The following KALRN variants were observed in gnomAD, a reference collection of about 807,000 sequenced individuals.
KALRN encodes kalirin.
KALRN carries 70 observed loss-of-function variants against 353.7 expected under a neutral mutation model. The observed-to-expected ratio is 0.20, with a 90% CI of 0.16 to 0.24. The LOEUF (loss-of-function observed/expected upper bound fraction) is 0.24, where lower values mean the gene tolerates loss of function less well. Among genes scored for constraint, KALRN ranks in the 10% least tolerant of loss-of-function variants. The pLI is 1.00. For synonymous variants in KALRN, 1,391 were observed against 1,434.8 expected (o/e 0.97, Z 0.69); for missense variants, 2,791 against 3,756.7 (o/e 0.74, Z 6.72).
At chr3:124,207,531 A>T (rs1309010730) in intron 1 of KALRN, among the ~76,000 whole-genome samples, 2 of 152,166 alleles carry the variant, frequency 1.3e-5, no homozygotes, top group East Asian at 3.8e-4. Context: ...AGTTCTGGAT[A>T]TGTCCTATCC....
intron 27 of KALRN, among the ~76,000 whole-genome samples, chr3:124,479,756 C>T (rs568844721): frequency 3.8e-5 from 5 of 132,500 alleles, no homozygotes; most frequent in Non-Finnish European, 7.7e-5. Context: ...CGGAGTCTCG[C>T]TCTGTTGCCC....
At chr3:124,252,845 C>T (rs1464813781) in intron 3 of KALRN, among the ~76,000 whole-genome samples, 2 of 152,206 alleles carry the variant, frequency 1.3e-5, no homozygotes, top group Non-Finnish European at 2.9e-5. Flanking sequence ...CTCTCTCCTG[C>T]CTTCTGGATA....
chr3:124,145,469 C>T (rs980176624), intron 1 of KALRN, among the ~76,000 whole-genome samples: 1 of 152,138 alleles, frequency 6.6e-6, no homozygotes, highest in Non-Finnish European at 1.5e-5. Context: ...ATTGTTCTGT[C>T]AGGGTAGACA....
At chr3:124,688,308 G>A (rs1449824092) in intron 51 of KALRN, among the ~76,000 whole-genome samples, 1 of 84,260 alleles carries the variant, frequency 1.2e-5, no homozygotes, top group Non-Finnish European at 2.5e-5. Context: ...GTGAGACCCT[G>A]TCAAAAAAAA....
At chr3:124,541,789 G>C (rs2069061858) in intron 33 of KALRN, among the ~76,000 whole-genome samples, 1 of 152,052 alleles carries the variant, frequency 6.6e-6, no homozygotes, top group Non-Finnish European at 1.5e-5. Flanking sequence ...CTACTCGGGA[G>C]GCTGAGGCAG....
At chr3:124,370,066 A>T (rs188223819) in intron 10 of KALRN, among the ~76,000 whole-genome samples, 2 of 152,360 alleles carry the variant, frequency 1.3e-5, no homozygotes, top group Admixed American at 1.3e-4. Context: ...AAATAAAAAA[A>T]TATATAAACG....
chr3:124,502,623 AAGGC>A (rs757860085), intron 33 of KALRN, among the ~76,000 whole-genome samples: 1 of 152,180 alleles, frequency 6.6e-6, no homozygotes, highest in Non-Finnish European at 1.5e-5. Context: ...CTGTGCAATG[AAGGC>A]AGTGATTTCT....
rs779043939 is a variant in KALRN, at chr3:124,650,892, A to G, written c.5749A>G (p.Lys1917Glu). The change falls in exon 38 of 60, where the codon AAA becomes GAA. Residue 1917 changes from lysine to glutamate, a missense_variant. Physicochemically the swap from Lys to Glu is moderately conservative, Grantham distance 56. Coordinates refer to ENST00000682506, the MANE Select transcript of KALRN (RefSeq NM_001388419.1). ...GGGGATGGCCCCACCCACACCTCCT[A>G]AAAACCCAGAAGAAGAACAGAAAGC... ...NEGMAPPTPP[K>E]NPEEEQKAKA... 1 of 1,614,204 alleles carries G rather than the reference A, an allele frequency of 6.2e-7. No individual in the cohort carries two copies. Among genetic ancestry groups the G allele is most frequent in the South Asian group, 1.1e-5 (1 of 91,078 alleles).
intron 28 of KALRN, among the ~76,000 whole-genome samples, chr3:124,486,610 T>C (rs9812052): frequency 0.19 from 29,358 of 152,054 alleles, 3,101 homozygotes; most frequent in South Asian, 0.3. Flanking sequence ...CCTCACTAAT[T>C]AGATATCTTA....
intron 45 of KALRN, among the ~76,000 whole-genome samples, chr3:124,662,217 T>C (rs1314034670): frequency 1.6e-5 from 2 of 124,506 alleles, no homozygotes; most frequent in Non-Finnish European, 3.5e-5. Flanking sequence ...TTTTTTTTTT[T>C]TTGAGACAGG....
intron 34 of KALRN, chr3:124,584,816 G>T (rs766114510): frequency 1.2e-6 from 2 of 1,601,808 alleles, no homozygotes; most frequent in Non-Finnish European, 1.7e-6. Flanking sequence ...GGGGCGGCGG[G>T]GCAACATGAA....
Position 124,719,491 on chromosome 3 carries a change from T to G in KALRN, c.*21T>G. 6.3e-7 allele frequency: 1 copy of G among 1,599,994 alleles called. No homozygotes were observed. Among genetic ancestry groups the G allele is most frequent in the African/African-American group, 1.3e-5 (1 of 74,864 alleles). On this transcript the variant is annotated 3_prime_UTR_variant, in exon 60 of 60. Transcript: ENST00000682506. This position sits in a 1 kb window ranked among gnomAD's most constrained non-coding sequence, Gnocchi z 5.3. ...CGTAGCCATCTCCCAGCCCCTATGG[T>G]TTCACATAGACGTGCAGTGTGAACC...
chr3:124,568,006 A>G (rs2073065849), intron 34 of KALRN, among the ~76,000 whole-genome samples: 1 of 152,082 alleles, frequency 6.6e-6, no homozygotes, highest in South Asian at 2.1e-4. Context: ...GAACAAACTT[A>G]GTGATTCTGA....
At chr3:124,284,679 C>T (rs765608810) in intron 5 of KALRN, among the ~76,000 whole-genome samples, 4 of 152,284 alleles carry the variant, frequency 2.6e-5, no homozygotes, top group East Asian at 1.9e-4. Flanking sequence ...GTCTGGAATA[C>T]GAGTGCTCAA....
chr3:124,688,876 A>T (rs534690891), intron 51 of KALRN, among the ~76,000 whole-genome samples: 9 of 152,328 alleles, frequency 5.9e-5, no homozygotes, highest in African/African-American at 2.2e-4. Flanking sequence ...TATTACCTGT[A>T]ACTCTTTCCT....
chr3:124,547,625 CTCTAGATTGGAA>C (rs1427512693), intron 33 of KALRN, among the ~76,000 whole-genome samples: 3 of 152,144 alleles, frequency 2.0e-5, no homozygotes, highest in African/African-American at 4.8e-5. Context: ...GAGTGACTGT[CTCTAGATTGGAA>C]TCCAATATAT....
At chr3:124,554,052 A>G (rs905891802) in intron 33 of KALRN, among the ~76,000 whole-genome samples, 1 of 152,240 alleles carries the variant, frequency 6.6e-6, no homozygotes, top group African/African-American at 2.4e-5. Flanking sequence ...GGCAGGGAGT[A>G]CAGAGATAAA....
intron 11 of KALRN, among the ~76,000 whole-genome samples, chr3:124,386,860 A>G (rs1370908589): frequency 1.3e-5 from 2 of 152,190 alleles, no homozygotes; most frequent in South Asian, 2.1e-4. Flanking sequence ...CACATATACC[A>G]TCTCATGTAA....
At chr3:124,609,702 C>A (rs2077718661) in intron 34 of KALRN, among the ~76,000 whole-genome samples, 2 of 152,214 alleles carry the variant, frequency 1.3e-5, no homozygotes, top group South Asian at 4.1e-4. Flanking sequence ...CTTGAGGCCT[C>A]ACAGCCATTG....
Sources: allele counts gnomAD v4.1 joint callset (sites outside exome capture counted in the v4.1 genomes callset), GRCh38; gene constraint gnomAD v4.1.1; non-coding constraint Gnocchi (gnomAD v3.1); transcripts MANE v1.5; gene names NCBI Gene and HGNC (gene_info 2026-07-23, HGNC 2026-07-21).